POLA1: variants seen among roughly 807,000 people sequenced by gnomAD.
The protein encoded by POLA1 is DNA polymerase alpha 1, catalytic subunit.
A neutral mutation model predicts 124.0 loss-of-function variants in POLA1; 15 were observed. That is an observed-to-expected ratio of 0.12 (90% CI 0.08 to 0.19). The LOEUF is 0.19. POLA1 is among the 10% of genes least tolerant of loss of function. The probability of loss-of-function intolerance (pLI) is 1.00; values close to 1 mark genes in which losing one functional copy is unlikely to be tolerated. For synonymous variants in POLA1, 408 were observed against 389.4 expected, an observed-to-expected ratio of 1.05 and a Z score of -0.56; for missense variants, 886 against 1,103.4, an observed-to-expected ratio of 0.80 and a Z score of 2.79.
At chrX:24,741,886 G>C (rs7050130) in intron 21 of POLA1, 116 bp from the exon 22 acceptor site, 10 of 492,473 alleles carry the variant, frequency 2.0e-5, no homozygotes, top group Non-Finnish European at 3.2e-5. Context: ...AAAAAAAGCA[G>C]ACCGTTATTA....
chrX:24,753,369 A>ATTTT (rs1289778406), intron 26 of POLA1, among the ~76,000 whole-genome samples: 1 of 101,600 alleles, frequency 9.8e-6, no homozygotes, highest in South Asian at 4.3e-4. Context: ...ATTTTATTTT[A>ATTTT]AGAAACAGGG....
At chrX:24,762,762 G>A (rs1295937339) in intron 26 of POLA1, among the ~76,000 whole-genome samples, 2 of 109,899 alleles carry the variant, frequency 1.8e-5, no homozygotes, top group Non-Finnish European at 3.8e-5. Context: ...TTTTGAGGCA[G>A]AGTCTCGCTC....
At chrX:24,855,762 T>TG (rs945389986) in intron 34 of POLA1, among the ~76,000 whole-genome samples, 1 of 110,596 alleles carries the variant, frequency 9.0e-6, no homozygotes, top group African/African-American at 3.3e-5. Context: ...ATACTAGGGG[T>TG]GGGGGGCAGT....
chrX:24,738,228 A>G (rs1931417639), intron 19 of POLA1, among the ~76,000 whole-genome samples: 1 of 94,012 alleles, frequency 1.1e-5, no homozygotes, highest in South Asian at 4.1e-4. Context: ...TCAAAAAAAA[A>G]AAAAAAAAAA....
intron 28 of POLA1, among the ~76,000 whole-genome samples, chrX:24,811,725 C>T (rs2045904544): frequency 9.2e-6 from 1 of 108,941 alleles, no homozygotes; most frequent in African/African-American, 3.4e-5. Context: ...GATGTGTTCA[C>T]GTTAGTACTT....
At chrX:24,937,161 T>G (rs922166943) in intron 36 of POLA1, among the ~76,000 whole-genome samples, 15 of 111,704 alleles carry the variant, frequency 1.3e-4, no homozygotes, top group South Asian at 7.5e-4. Context: ...TATAAAGAAG[T>G]GATTGTAGAA....
chrX:24,702,642 T>C lies in POLA1; in HGVS notation c.169-609T>C, dbSNP rs940064496. The stretch of plus-strand genomic sequence containing the variant: ...CTCAGCGTTTAAGTCCTTGTGTGGT[T>C]TCAAGACCTGAGGATGGTGGAGTTT... On this transcript the variant is annotated intron_variant, in intron 2 of 36. Transcript: ENST00000379068. 2.7e-5 allele frequency among the ~76,000 whole-genome samples: 3 copies of C among 112,564 alleles called. No individual in the cohort carries two copies. In the Admixed American group the frequency reaches 2.8e-4, roughly 11 times the overall value.
At chrX:24,711,709 C>T (rs7876558) in intron 4 of POLA1, among the ~76,000 whole-genome samples, 42 of 111,034 alleles carry the variant, frequency 3.8e-4, no homozygotes, top group Middle Eastern at 4.6e-3. Flanking sequence ...GTGATTCTTC[C>T]GCCTCAGCCT....
intron 35 of POLA1, among the ~76,000 whole-genome samples, chrX:24,895,596 T>C (rs2047196494): frequency 8.9e-6 from 1 of 112,166 alleles, no homozygotes; most frequent in Non-Finnish European, 1.9e-5. Context: ...GACTGGGTAT[T>C]GGGGACCAAC....
At chrX:24,780,488 G>T (rs1328908327) in intron 26 of POLA1, among the ~76,000 whole-genome samples, 1 of 112,219 alleles carries the variant, frequency 8.9e-6, no homozygotes, top group East Asian at 2.8e-4. Context: ...TTTCTTGAGG[G>T]TTTTTTAAAA....
chrX:24,727,146 T>C (rs1338556012), intron 14 of POLA1, 75 bp downstream of exon 14: 10 of 877,650 alleles, frequency 1.1e-5, no homozygotes, highest in Non-Finnish European at 1.5e-5. Flanking sequence ...AGTTAGGAAA[T>C]TGATCTATTT....
chrX:24,723,012 T>C, intron 10 of POLA1, 143 bp from the exon 11 acceptor site: 1 of 472,212 alleles, frequency 2.1e-6, no homozygotes, highest in Non-Finnish European at 3.8e-6. Flanking sequence ...TCTTGGGGAG[T>C]GGGAAATGGA....
At chrX:24,960,699 TGTATC>T (rs1310683746) in intron 36 of POLA1, among the ~76,000 whole-genome samples, 1 of 111,637 alleles carries the variant, frequency 9.0e-6, no homozygotes, top group African/African-American at 3.3e-5. Context: ...TTAAAACAGC[TGTATC>T]GTAACAATAT....
At chrX:24,846,899 A>G (rs1323627542) in intron 34 of POLA1, among the ~76,000 whole-genome samples, 1 of 112,155 alleles carries the variant, frequency 8.9e-6, no homozygotes, top group East Asian at 2.8e-4. Flanking sequence ...CTTTGATCTG[A>G]CAAAGCATTT....
At chrX:24,790,959 A>G (rs1485826730) in intron 26 of POLA1, among the ~76,000 whole-genome samples, 2 of 104,260 alleles carry the variant, frequency 1.9e-5, no homozygotes, top group Non-Finnish European at 3.9e-5. Context: ...TAACCTAAGA[A>G]GAACTTGCAA....
chrX:24,883,807 C>G (rs1014997989), intron 34 of POLA1, among the ~76,000 whole-genome samples: 2 of 112,033 alleles, frequency 1.8e-5, no homozygotes, highest in Admixed American at 9.4e-5. Flanking sequence ...ATTTGGATAG[C>G]AGACATCCTT....
At chrX:24,984,809 G>A (rs2048462977) in intron 36 of POLA1, among the ~76,000 whole-genome samples, 1 of 109,519 alleles carries the variant, frequency 9.1e-6, no homozygotes, top group East Asian at 2.8e-4. Flanking sequence ...ACAGGCGCCC[G>A]CCACTACGCC....
intron 34 of POLA1, among the ~76,000 whole-genome samples, chrX:24,845,944 A>T (rs2046472015): frequency 1.8e-5 from 2 of 112,094 alleles, no homozygotes; most frequent in Non-Finnish European, 3.8e-5. Flanking sequence ...CTCCAGGAAG[A>T]TGAATGGAAT....
In POLA1 at chrX:24,810,717, G is replaced by A; in HGVS notation, c.3007G>A (p.Glu1003Lys). 9.9e-7 allele frequency: 1 copy of A among 1,008,844 alleles called. No homozygotes were observed. The highest frequency in any genetic ancestry group is 1.4e-6 in the Non-Finnish European group (1 of 727,153). 83.1% of individuals were successfully genotyped at this position (1,008,844 alleles called of 1,213,427 possible). ...TTTTGCTTTTCATCAGATGAATCTT[G>A]AAGTTATTTATGGAGATACAGATTC... ...TKEMVQKMNL[E>K]VIYGDTDSIM... Residue 1003 changes from glutamate to lysine, a missense_variant, in exon 28 of 37, where the codon GAA becomes AAA. By Grantham distance (56) the Glu-to-Lys change is moderately conservative. Around this residue, in one of 7 missense-constraint regions of POLA1, gnomAD observed 313 missense variants for 359.7 expected, o/e 0.87. Coordinates refer to ENST00000379068, the MANE Select transcript of POLA1 (RefSeq NM_001330360.2).
Sources: allele counts gnomAD v4.1 joint callset (sites outside exome capture counted in the v4.1 genomes callset), GRCh38; gene constraint gnomAD v4.1.1; regional missense constraint gnomAD v4.1.1; transcripts MANE v1.5; gene names NCBI Gene and HGNC (gene_info 2026-07-23, HGNC 2026-07-21).